GAB1: variants seen among roughly 807,000 people sequenced by gnomAD.
GAB1 encodes the protein GRB2 associated binding protein 1.
In GAB1, 19 loss-of-function variants were observed where a neutral mutation model predicts 66.5. That is an observed-to-expected ratio of 0.29 (90% CI 0.20 to 0.42). The LOEUF (loss-of-function observed/expected upper bound fraction) is 0.42. Among genes scored for constraint, GAB1 ranks in the 10% least tolerant of loss-of-function variants. GAB1 has a pLI of 1.00. For synonymous variants in GAB1, 294 were observed against 301.4 expected, an observed-to-expected ratio of 0.98 and a Z score of 0.25; for missense variants, 732 against 858.5, an observed-to-expected ratio of 0.85 and a Z score of 1.84.
rs373338601 is a variant in GAB1 at position 143,389,276 on chromosome 4, G to A, written c.73-26201G>A. ...CCAATGTATATAATCAAATACTTGC[G>A]TATGCTGGAAAAGAATTTATGTCAT... On this transcript the variant is annotated intron_variant, in intron 1 of 9. Coordinates refer to ENST00000262994, the MANE Select transcript of GAB1 (RefSeq NM_002039.4). Among the ~76,000 whole-genome samples the A allele has an allele frequency of 1.8e-4, 28 of 152,210 alleles. 1 individual carries two copies. The highest frequency in any genetic ancestry group is 5.3e-4 in the African/African-American group (22 of 41,520).
At chr4:143,353,338 A>G (rs1729305986) in intron 1 of GAB1, among the ~76,000 whole-genome samples, 2 of 152,232 alleles carry the variant, frequency 1.3e-5, no homozygotes, top group Admixed American at 6.5e-5. Flanking sequence ...ACTTGACTGA[A>G]GAAGCTCTCT....
intron 2 of GAB1, among the ~76,000 whole-genome samples, chr4:143,426,570 CA>C (rs1307616470): frequency 6.6e-6 from 1 of 151,986 alleles, no homozygotes; most frequent in African/African-American, 2.4e-5. Context: ...AATAATAAAA[CA>C]AACAGAGCGC....
chr4:143,460,409 C>T lies in GAB1; in HGVS notation c.1725C>T (p.Ser575=). The T allele has an allele frequency of 6.2e-7, 1 of 1,613,512 alleles. No homozygotes were observed. The highest frequency in any genetic ancestry group is 8.5e-7 in the Non-Finnish European group (1 of 1,179,524). The part of the protein sequence containing the change: ...PMSPRPDSVH[S]TTSSSDSHDS... ...CCCCCCGACCAGATTCAGTGCATAG[C>T]ACAACTTCAAGCAGTGACTCACACG... Residue 575 remains serine (S), a synonymous_variant, in exon 8 of 10, where the codon AGC becomes AGT. Coordinates refer to ENST00000262994, the MANE Select transcript of GAB1 (RefSeq NM_002039.4).
chr4:143,414,090 T>G (rs1264705819), intron 1 of GAB1, among the ~76,000 whole-genome samples: 1 of 152,138 alleles, frequency 6.6e-6, no homozygotes, highest in African/African-American at 2.4e-5. Context: ...CCCAATGTGC[T>G]GGGATTACAG....
chr4:143,375,383 T>C (rs964095894), intron 1 of GAB1, among the ~76,000 whole-genome samples: 8 of 152,240 alleles, frequency 5.3e-5, no homozygotes, highest in African/African-American at 1.9e-4. Flanking sequence ...TTAAAGAATG[T>C]GTGCACTTTG....
At chr4:143,466,352 T>A in intron 9 of GAB1, 127 bp downstream of exon 9, 1 of 795,824 alleles carries the variant, frequency 1.3e-6, no homozygotes, top group Non-Finnish European at 1.8e-6. Context: ...GTCTGCTACT[T>A]GATGCTATCT....
intron 3 of GAB1, among the ~76,000 whole-genome samples, chr4:143,435,823 G>A (rs1307173345): frequency 2.0e-5 from 3 of 152,190 alleles, no homozygotes; most frequent in African/African-American, 4.8e-5. Flanking sequence ...TGTTTGTTCT[G>A]CAAGACTTTA....
intron 1 of GAB1, among the ~76,000 whole-genome samples, chr4:143,393,736 C>G (rs899288816): frequency 1.3e-5 from 2 of 151,752 alleles, no homozygotes; most frequent in Admixed American, 6.6e-5. Flanking sequence ...TTTAATGGTG[C>G]CTGCTTTACC....
intron 6 of GAB1, among the ~76,000 whole-genome samples, chr4:143,452,040 G>A (rs1734956937): frequency 6.6e-6 from 1 of 152,154 alleles, no homozygotes; most frequent in Non-Finnish European, 1.5e-5. Flanking sequence ...GCTACATTAA[G>A]ACTAGCTTTA....
At chr4:143,358,547 T>A (rs192543925) in intron 1 of GAB1, among the ~76,000 whole-genome samples, 5 of 152,312 alleles carry the variant, frequency 3.3e-5, no homozygotes, top group East Asian at 3.9e-4. Flanking sequence ...GAATATAAAA[T>A]CTGTTTTTCA....
intron 1 of GAB1, among the ~76,000 whole-genome samples, chr4:143,403,910 G>C (rs1731906963): frequency 1.3e-5 from 2 of 152,140 alleles, no homozygotes; most frequent in Non-Finnish European, 2.9e-5. Context: ...TTTATGTTAA[G>C]AAGAAAATGA....
chr4:143,353,021 G>T (rs921213680), intron 1 of GAB1, among the ~76,000 whole-genome samples: 2 of 152,134 alleles, frequency 1.3e-5, no homozygotes, highest in African/African-American at 4.8e-5. Flanking sequence ...CAAAAGACAT[G>T]ATTAAATCAA....
chr4:143,343,278 T>G lies in GAB1; in HGVS notation c.72+6018T>G, dbSNP rs148943357. Among the ~76,000 whole-genome samples, 410 of 152,282 alleles carry G rather than the reference T, an allele frequency of 2.7e-3. 2 individuals are homozygous for G. Among genetic ancestry groups the G allele is most frequent in the African/African-American group, 9.6e-3 (399 of 41,550 alleles). ...TTCAATAAGCTGCAACATAAATTTT[T>G]GGGGGACATAAATCTTCCTTGTGGG... On this transcript the variant is annotated intron_variant, in intron 1 of 9. Coordinates refer to ENST00000262994, the MANE Select transcript of GAB1 (RefSeq NM_002039.4).
chr4:143,443,086 G>T (rs1263126754), intron 6 of GAB1, among the ~76,000 whole-genome samples: 1 of 146,340 alleles, frequency 6.8e-6, no homozygotes, highest in African/African-American at 2.6e-5. Context: ...GCGCGATCTC[G>T]GCTCACTGCA....
chr4:143,344,746 G>A (rs1009656375), intron 1 of GAB1, among the ~76,000 whole-genome samples: 4 of 152,110 alleles, frequency 2.6e-5, no homozygotes, highest in African/African-American at 9.7e-5. Flanking sequence ...TTCTATGTTT[G>A]AGCATCTTAA....
intron 8 of GAB1, among the ~76,000 whole-genome samples, chr4:143,464,014 A>G (rs923095159): frequency 6.6e-6 from 1 of 152,134 alleles, no homozygotes; most frequent in African/African-American, 2.4e-5. Context: ...AGAGAAATGG[A>G]GGGTATGGGT....
In GAB1 at chr4:143,446,152, C is replaced by T. The variant is rs537231091; in HGVS notation, c.1585+5770C>T. Among the ~76,000 whole-genome samples, 1,098 of 151,956 alleles carry T rather than the reference C, an allele frequency of 7.2e-3. 5 individuals are homozygous for T. The highest frequency in any genetic ancestry group is 0.012 in the Non-Finnish European group (835 of 67,854). On this transcript the variant is annotated intron_variant, in intron 6 of 9. Transcript: ENST00000262994. ...CATTTTTTATGGCTGCATAGTATTC[C>T]ATGGTGTATATGTGCCACATTTTCT...
intron 1 of GAB1, among the ~76,000 whole-genome samples, chr4:143,412,410 A>G (rs1028554091): frequency 1.3e-5 from 2 of 152,036 alleles, no homozygotes; most frequent in African/African-American, 4.8e-5. Flanking sequence ...ATCAAATCTA[A>G]TCTCAAAAAT....
rs1449036841 is a variant in GAB1 at position 143,440,410 on chromosome 4, C to T, written c.1585+28C>T. ...AAGGAGAGCATGGCAAAGTAAAAGG[C>T]TTGGGGAGTGCCAAGTTAGATCTAT... On this transcript the variant is annotated intron_variant, in intron 6 of 9. Transcript: ENST00000262994. The T allele has an allele frequency of 2.6e-6, 4 of 1,553,016 alleles. No homozygotes were observed. The East Asian group carries it at 9.0e-5, about 35-fold the overall frequency.
Sources: gnomAD v4.1 joint callset for allele counts (sites outside exome capture counted in the v4.1 genomes callset) on GRCh38, gnomAD v4.1.1 for gene constraint, MANE v1.5 for transcripts, NCBI Gene and HGNC (gene_info 2026-07-23, HGNC 2026-07-21) for gene names.